PTPRT: variants seen among roughly 807,000 people sequenced by gnomAD.
PTPRT encodes the protein protein tyrosine phosphatase receptor type T.
A neutral mutation model predicts 176.8 loss-of-function variants in PTPRT; 56 were observed. The ratio of observed to expected loss-of-function variants is 0.32; its 90% CI spans 0.26 to 0.40. The LOEUF (loss-of-function observed/expected upper bound fraction) is 0.40, where lower values mean the gene tolerates loss of function less well. PTPRT is among the 10% of genes least tolerant of loss of function. PTPRT has a pLI of 1.00. For missense variants in PTPRT, 1,540 were observed against 1,908.2 expected (o/e 0.81, Z 3.60); for synonymous variants, 783 against 739.0 (o/e 1.06, Z -0.96).
At chr20:42,545,299 A>C (rs1401773185) in intron 7 of PTPRT, among the ~76,000 whole-genome samples, 1 of 152,156 alleles carries the variant, frequency 6.6e-6, no homozygotes, top group African/African-American at 2.4e-5. Context: ...GTTACCTGGC[A>C]AACAGGAGTT....
intron 1 of PTPRT, among the ~76,000 whole-genome samples, chr20:43,001,891 C>A (rs1014014688): frequency 1.1e-4 from 17 of 149,264 alleles, no homozygotes; most frequent in African/African-American, 3.9e-4. Context: ...AAAAAACAAA[C>A]AAAAAAAACC....
chr20:42,294,210 G>A (rs2057356203), intron 12 of PTPRT, among the ~76,000 whole-genome samples: 1 of 152,094 alleles, frequency 6.6e-6, no homozygotes, highest in African/African-American at 2.4e-5. Context: ...ATACGTTCCA[G>A]AAAGACAAAG....
At chr20:43,185,584 T>C (rs534460858) in intron 1 of PTPRT, among the ~76,000 whole-genome samples, 18 of 152,308 alleles carry the variant, frequency 1.2e-4, no homozygotes, top group Admixed American at 7.2e-4. Context: ...GCAAATTTCA[T>C]TGGCAATCTC....
chr20:42,067,501 C>G, the PTPRT span, among the ~76,000 whole-genome samples: 37 of 152,160 alleles, frequency 2.4e-4, no homozygotes, highest in Non-Finnish European at 1.0e-4. Context: ...GTCAACCACC[C>G]TCTTGCTCTT....
intron 13 of PTPRT, among the ~76,000 whole-genome samples, chr20:42,258,212 T>G (rs1331476385): frequency 6.6e-6 from 1 of 152,192 alleles, no homozygotes; most frequent in East Asian, 1.9e-4. Context: ...TGCAGTTCTA[T>G]TTCATGCATC....
chr20:42,635,399 GA>G (rs1244525251), intron 7 of PTPRT, among the ~76,000 whole-genome samples: 1 of 151,348 alleles, frequency 6.6e-6, no homozygotes, highest in Non-Finnish European at 1.5e-5. Context: ...CAAAATTGAA[GA>G]AAAAAAAGAA....
At chr20:42,385,849 C>G (rs553593591) in intron 9 of PTPRT, among the ~76,000 whole-genome samples, 1 of 152,074 alleles carries the variant, frequency 6.6e-6, no homozygotes, top group Non-Finnish European at 1.5e-5. Flanking sequence ...CCACCTGCCC[C>G]CCTCCATGGA....
intron 1 of PTPRT, among the ~76,000 whole-genome samples, chr20:43,165,490 C>T (rs1028250845): frequency 6.6e-6 from 1 of 152,146 alleles, no homozygotes; most frequent in African/African-American, 2.4e-5. Flanking sequence ...TTGCCTACTG[C>T]CATGTAAGAT....
At chr20:42,342,999 T>C (rs1465442776) in intron 11 of PTPRT, among the ~76,000 whole-genome samples, 1 of 152,142 alleles carries the variant, frequency 6.6e-6, no homozygotes, top group Admixed American at 6.5e-5. Flanking sequence ...TTTAGAAGTA[T>C]ATATCTTGTT....
intron 7 of PTPRT, among the ~76,000 whole-genome samples, chr20:42,513,485 G>A (rs1385414833): frequency 1.3e-5 from 2 of 152,030 alleles, no homozygotes; most frequent in Non-Finnish European, 2.9e-5. Flanking sequence ...GGTCTGATAT[G>A]TATTATTTTA....
intron 1 of PTPRT, among the ~76,000 whole-genome samples, chr20:42,972,676 CAAAAAAAAAAAA>C (rs33947245): frequency 1.3e-5 from 1 of 77,560 alleles, no homozygotes; most frequent in Non-Finnish European, 2.3e-5. Flanking sequence ...TCTCAAAAAG[CAAAAAAAAAAAA>C]AAAAAAAAAA....
chr20:42,651,632 G>T (rs1213998676), intron 7 of PTPRT, among the ~76,000 whole-genome samples: 1 of 152,154 alleles, frequency 6.6e-6, no homozygotes, highest in Non-Finnish European at 1.5e-5. Context: ...AAGGCAGGTT[G>T]TATTGCTGAG....
At chr20:42,150,393 G>A (rs890758069) in intron 17 of PTPRT, among the ~76,000 whole-genome samples, 1 of 152,144 alleles carries the variant, frequency 6.6e-6, no homozygotes, top group African/African-American at 2.4e-5. Flanking sequence ...GCCAGGGATC[G>A]CTGATGAGGC....
chr20:42,265,064 T>A (rs995478763), intron 13 of PTPRT, among the ~76,000 whole-genome samples: 13 of 152,236 alleles, frequency 8.5e-5, no homozygotes, highest in Admixed American at 3.3e-4. Flanking sequence ...TGAAGTTTTT[T>A]ATCTCATGAT....
At chr20:42,414,146 T>C (rs1015211597) in intron 9 of PTPRT, among the ~76,000 whole-genome samples, 2 of 152,212 alleles carry the variant, frequency 1.3e-5, no homozygotes, top group African/African-American at 2.4e-5. Flanking sequence ...CTTTGTTTAC[T>C]GTCTACAGAA....
intron 8 of PTPRT, among the ~76,000 whole-genome samples, chr20:42,471,438 G>A (rs1429859843): frequency 6.6e-6 from 1 of 152,120 alleles, no homozygotes; most frequent in Non-Finnish European, 1.5e-5. Flanking sequence ...TTAAGTGTGT[G>A]GCACCGCCAA....
intron 7 of PTPRT, among the ~76,000 whole-genome samples, chr20:42,646,873 T>G (rs2074913677): frequency 7.8e-6 from 1 of 128,906 alleles, no homozygotes; most frequent in African/African-American, 3.0e-5. Flanking sequence ...GATCCCAACC[T>G]AAGACAGCCT....
At chr20:42,635,574 A>G (rs934558001) in intron 7 of PTPRT, among the ~76,000 whole-genome samples, 1 of 152,120 alleles carries the variant, frequency 6.6e-6, no homozygotes, top group African/African-American at 2.4e-5. Context: ...TGTTGCTAAA[A>G]CTGCTTGTAA....
the PTPRT span, among the ~76,000 whole-genome samples, chr20:42,037,546 C>T: frequency 6.6e-6 from 1 of 152,272 alleles, no homozygotes; most frequent in African/African-American, 2.4e-5. Context: ...CCCAGTGGCA[C>T]CCGAGGGGCT....
Sources: gnomAD v4.1 joint callset for allele counts (sites outside exome capture counted in the v4.1 genomes callset) on GRCh38, gnomAD v4.1.1 for gene constraint, MANE v1.5 for transcripts, NCBI Gene and HGNC (gene_info 2026-07-23, HGNC 2026-07-21) for gene names.